Variants in EYA4 observed in about 807,000 individuals in gnomAD.
The protein encoded by EYA4 is EYA transcriptional coactivator and phosphatase 4, also known as protein phosphatase EYA4.
Under a neutral mutation model 87.9 loss-of-function variants are expected in EYA4, and 31 were observed. The observed-to-expected ratio is 0.35, with a 90% CI of 0.27 to 0.48. The LOEUF is 0.48. Ranked by LOEUF, EYA4 falls within the 20% of genes least tolerant of loss-of-function variation. The pLI, the probability that EYA4 is intolerant of heterozygous loss-of-function variation, is 0.99. For missense variants in EYA4, 678 were observed against 761.4 expected, an observed-to-expected ratio of 0.89 and a Z score of 1.29; for synonymous variants, 263 against 270.6, an observed-to-expected ratio of 0.97 and a Z score of 0.28.
rs376820058 is a variant in EYA4 at position 133,527,692 on chromosome 6, C to T, written c.1840-1033C>T. ...AATAGCCACATGTGGCTGGTGGCTA[C>T]CATAGTGTGCAGCAAGGAATTATAT... On this transcript the variant is annotated intron_variant, in intron 19 of 19. Transcript: ENST00000355286. 9.9e-4 allele frequency among the ~76,000 whole-genome samples: 150 copies of T among 152,218 alleles called. 2 individuals are homozygous for T. In the South Asian group the frequency reaches 0.029, roughly 29 times the overall value.
At chr6:133,491,004 G>A (rs977028355) in intron 13 of EYA4, among the ~76,000 whole-genome samples, 2 of 152,252 alleles carry the variant, frequency 1.3e-5, no homozygotes, top group African/African-American at 4.8e-5. Flanking sequence ...ATTATATTAT[G>A]TATCTTCTCT....
intron 2 of EYA4, among the ~76,000 whole-genome samples, chr6:133,299,147 A>G (rs1461287982): frequency 6.6e-6 from 1 of 152,178 alleles, no homozygotes. Context: ...TGAAGACCCT[A>G]GAATTAAGGT....
At chr6:133,401,194 C>G (rs73559694) in intron 3 of EYA4, among the ~76,000 whole-genome samples, 104 of 152,146 alleles carry the variant, frequency 6.8e-4, no homozygotes, top group African/African-American at 2.4e-3. Context: ...AAAAGTGGAT[C>G]TCATAAGGAT....
chr6:133,341,772 G>A (rs35350600), intron 2 of EYA4, among the ~76,000 whole-genome samples: 14,305 of 152,066 alleles, frequency 0.094, 777 homozygotes, highest in South Asian at 0.13. Flanking sequence ...AATGGGGACG[G>A]TGGCTTTAAG....
intron 3 of EYA4, among the ~76,000 whole-genome samples, chr6:133,436,151 G>A (rs1400134738): frequency 2.6e-5 from 4 of 152,186 alleles, no homozygotes; most frequent in South Asian, 2.1e-4. Context: ...CTCGGAAGGC[G>A]GAGGTTGCAG....
intron 5 of EYA4, among the ~76,000 whole-genome samples, chr6:133,455,372 C>T (rs954760732): frequency 1.3e-4 from 19 of 151,498 alleles, no homozygotes; most frequent in Non-Finnish European, 2.6e-4. Flanking sequence ...TTTCTGTTTC[C>T]AACATTTACA....
intron 3 of EYA4, among the ~76,000 whole-genome samples, chr6:133,385,440 T>A (rs113923175): frequency 0.032 from 3,274 of 103,816 alleles, 68 homozygotes; most frequent in South Asian, 0.082. Flanking sequence ...TGTGTGTGTG[T>A]GAGAGAGAGA....
intron 2 of EYA4, among the ~76,000 whole-genome samples, chr6:133,296,120 A>G (rs1778927240): frequency 6.6e-6 from 1 of 152,204 alleles, no homozygotes; most frequent in African/African-American, 2.4e-5. Flanking sequence ...GGAATACATG[A>G]GGAAACAGCC....
rs575518913 is a variant in EYA4 at position 133,385,953 on chromosome 6, T to C, written c.83+3512T>C. ...AAGCCAGATGTCAGGAATAGTATTT[T>C]TTCCCTGTTTCCTAAAGCTACTAAA... On this transcript the variant is annotated intron_variant, in intron 3 of 19. Coordinates refer to ENST00000355286, the MANE Select transcript of EYA4 (RefSeq NM_004100.5). Among the ~76,000 whole-genome samples the C allele has an allele frequency of 7.9e-5, 12 of 152,326 alleles. No individual in the cohort carries two copies. The South Asian group carries it at 2.5e-3, about 32-fold the overall frequency.
chr6:133,375,785 G>A (rs1785631594), intron 2 of EYA4, among the ~76,000 whole-genome samples: 1 of 151,726 alleles, frequency 6.6e-6, no homozygotes, highest in South Asian at 2.1e-4. Flanking sequence ...TGGATAACTT[G>A]TAAGTATTAG....
At chr6:133,287,719 A>G (rs73009607) in intron 2 of EYA4, among the ~76,000 whole-genome samples, 6 of 152,346 alleles carry the variant, frequency 3.9e-5, no homozygotes, top group Non-Finnish European at 7.3e-5. Flanking sequence ...AGATTAATAT[A>G]TTTAAAATGA....
intron 3 of EYA4, among the ~76,000 whole-genome samples, chr6:133,425,383 C>A (rs1790578950): frequency 6.7e-6 from 1 of 150,216 alleles, no homozygotes; most frequent in Non-Finnish European, 1.5e-5. Flanking sequence ...AGCAGTTGAC[C>A]TGAATGGAAA....
chr6:133,348,118 G>C (rs1783336918), intron 2 of EYA4, among the ~76,000 whole-genome samples: 1 of 152,084 alleles, frequency 6.6e-6, no homozygotes, highest in Non-Finnish European at 1.5e-5. Flanking sequence ...TTTGGGTGAT[G>C]ATTAAGTATC....
At chr6:133,365,179 C>T (rs75612804) in intron 2 of EYA4, among the ~76,000 whole-genome samples, 10 of 152,116 alleles carry the variant, frequency 6.6e-5, no homozygotes, top group African/African-American at 1.7e-4. Context: ...GGATATTGAT[C>T]GCTTGGTTGG....
At chr6:133,438,226 A>T (rs1334153875) in intron 3 of EYA4, among the ~76,000 whole-genome samples, 1 of 152,076 alleles carries the variant, frequency 6.6e-6, no homozygotes, top group Non-Finnish European at 1.5e-5. Context: ...AAGTAACTAA[A>T]TTGTAAATAT....
chr6:133,338,810 T>C (rs1045190082), intron 2 of EYA4, among the ~76,000 whole-genome samples: 6 of 151,594 alleles, frequency 4.0e-5, no homozygotes, highest in African/African-American at 1.2e-4. Flanking sequence ...TGGATGCACA[T>C]ACACATAATA....
At chr6:133,288,794 T>G (rs9389066) in intron 2 of EYA4, among the ~76,000 whole-genome samples, 17,949 of 151,970 alleles carry the variant, frequency 0.12, 1,331 homozygotes, top group Non-Finnish European at 0.17. Flanking sequence ...AGTAGGATAA[T>G]AGTGTCTTCA....
At chr6:133,399,854 T>G (rs1333400512) in intron 3 of EYA4, among the ~76,000 whole-genome samples, 1 of 152,084 alleles carries the variant, frequency 6.6e-6, no homozygotes, top group Non-Finnish European at 1.5e-5. Flanking sequence ...TGTATAAAGT[T>G]CTCCCATAGT....
At chr6:133,328,235 C>T (rs991477746) in intron 2 of EYA4, among the ~76,000 whole-genome samples, 24 of 152,034 alleles carry the variant, frequency 1.6e-4, no homozygotes, top group African/African-American at 5.8e-4. Context: ...TTAAATGAAA[C>T]AATACAAATA....
Sources: gnomAD v4.1 joint callset for allele counts (sites outside exome capture counted in the v4.1 genomes callset) on GRCh38, gnomAD v4.1.1 for gene constraint, MANE v1.5 for transcripts, NCBI Gene and HGNC (gene_info 2026-07-23, HGNC 2026-07-21) for gene names.